The following ITGB2 variants were observed in gnomAD, a reference collection of about 807,000 sequenced individuals.
ITGB2 encodes integrin subunit beta 2, also known as integrin beta-2.
A neutral mutation model predicts 86.8 loss-of-function variants in ITGB2; 56 were observed. The observed-to-expected ratio is 0.65, with a 90% CI of 0.52 to 0.81. The LOEUF (loss-of-function observed/expected upper bound fraction) is 0.81, where lower values mean the gene tolerates loss of function less well. ITGB2 is among the 30% of genes least tolerant of loss of function. The probability of loss-of-function intolerance (pLI) is 0.00; values close to 1 mark genes in which losing one functional copy is unlikely to be tolerated. For synonymous variants in ITGB2, 457 were observed against 450.4 expected (o/e 1.01, Z -0.19); for missense variants, 948 against 1,061.2 (o/e 0.89, Z 1.48).
At chr21:44,897,272 T>C (rs1199469505) in intron 8 of ITGB2, among the ~76,000 whole-genome samples, 1 of 152,198 alleles carries the variant, frequency 6.6e-6, no homozygotes, top group Non-Finnish European at 1.5e-5. Flanking sequence ...TCAGCAAATG[T>C]TCACTTTACA....
rs767645617 is a variant in ITGB2, at chr21:44,891,931, C to T, written c.1290G>A (p.Ala430=). ...CGGTCACTATGTCCGTGAAGCCCAG[C>T]GCCCGGATGACAAACGACTGCTCCT... ...CIQEQSFVIR[A]LGFTDIVTVQ... The change falls in exon 11 of 16, where the codon GCG becomes GCA. Residue 430 remains alanine (A), a synonymous_variant. Coordinates refer to ENST00000652462, the MANE Select transcript of ITGB2 (RefSeq NM_000211.5). 67 of 1,613,302 alleles carry T rather than the reference C, an allele frequency of 4.2e-5. No homozygotes were observed. In the Middle Eastern group the frequency reaches 1.3e-3, roughly 32 times the overall value.
chr21:44,912,505 T>A (rs1273489163), intron 1 of ITGB2, among the ~76,000 whole-genome samples: 2 of 152,136 alleles, frequency 1.3e-5, no homozygotes, highest in Non-Finnish European at 2.9e-5. Context: ...AATACAAAAA[T>A]GTCAAAAGGG....
chr21:44,890,452 G>A (rs755011163), intron 11 of ITGB2, among the ~76,000 whole-genome samples: 11 of 152,222 alleles, frequency 7.2e-5, no homozygotes, highest in Admixed American at 3.3e-4. Context: ...ACCTGGCCTT[G>A]GCCTGCGCAT....
At chr21:44,923,885 G>A (rs2084339590), upstream of ITGB2, among the ~76,000 whole-genome samples, 5 of 152,206 alleles carry the variant, frequency 3.3e-5, no homozygotes, top group Non-Finnish European at 5.9e-5. Context: ...TAAAGAAACG[G>A]AAAATACACG....
At chr21:44,889,624 G>A (rs1243956753) in intron 12 of ITGB2, 129 bp from the exon 13 acceptor site, 2 of 949,492 alleles carry the variant, frequency 2.1e-6, no homozygotes, top group Non-Finnish European at 3.2e-6. Context: ...CTGAGCAAAA[G>A]GCATGGGGCC....
Position 44,885,963 on chromosome 21 carries a change from C to T in ITGB2, c.*405G>A, listed in dbSNP as rs1881344442. ...GGACACAGTGCCCAGTTTCCATGGACAGCCTGTATTGAAGTTTTATTTTTT... is the reference window on the plus strand; with the variant it reads ...GGACACAGTGCCCAGTTTCCATGGATAGCCTGTATTGAAGTTTTATTTTTT... On this transcript the variant is annotated 3_prime_UTR_variant, in exon 16 of 16. Coordinates refer to ENST00000652462, the MANE Select transcript of ITGB2 (RefSeq NM_000211.5). 3.4e-6 allele frequency: 1 copy of T among 292,070 alleles called. No individual in the cohort carries two copies. The highest frequency in any genetic ancestry group is 2.2e-5 in the African/African-American group (1 of 45,634). The allele number at this position is 292,070 out of a possible 1,614,324, so 18.1% of individuals were successfully genotyped here.
intron 3 of ITGB2, among the ~76,000 whole-genome samples, chr21:44,907,387 G>A (rs2146539861): frequency 1.3e-5 from 2 of 152,348 alleles, no homozygotes; most frequent in East Asian, 3.9e-4. Context: ...TGACCCAAGA[G>A]GAGAGGCCTC....
At chr21:44,890,875 C>T (rs909996615) in intron 11 of ITGB2, among the ~76,000 whole-genome samples, 2 of 152,152 alleles carry the variant, frequency 1.3e-5, no homozygotes, top group Non-Finnish European at 1.5e-5. Flanking sequence ...CCCCTACAGT[C>T]CCGTGAAGAG....
chr21:44,887,343 G>A (rs2083714122), intron 14 of ITGB2, among the ~76,000 whole-genome samples: 1 of 152,178 alleles, frequency 6.6e-6, no homozygotes, highest in Non-Finnish European at 1.5e-5. Context: ...GAGCTCAGCA[G>A]GTGAGGCCGG....
intron 1 of ITGB2, among the ~76,000 whole-genome samples, chr21:44,919,610 C>T (rs1374518379): frequency 6.6e-6 from 1 of 152,210 alleles, no homozygotes; most frequent in Admixed American, 6.5e-5. Flanking sequence ...AACCCGCAGG[C>T]GTTGCGCCAC....
At chr21:44,906,811 T>A (rs2084048703) in intron 4 of ITGB2, 104 bp downstream of exon 4, 2 of 1,266,158 alleles carry the variant, frequency 1.6e-6, no homozygotes, top group South Asian at 2.4e-5. Flanking sequence ...CCCGGACACA[T>A]GCCTTCTGGG....
chr21:44,893,618 G>A (rs1042955401), intron 9 of ITGB2, 74 bp from the exon 10 acceptor site: 16 of 1,586,614 alleles, frequency 1.0e-5, no homozygotes, highest in Non-Finnish European at 1.4e-5. Flanking sequence ...CAGCGGTTTA[G>A]ACCCGTCTCC....
chr21:44,894,584 C>T (rs1332845285), intron 9 of ITGB2: 2 of 341,006 alleles, frequency 5.9e-6, no homozygotes, highest in Admixed American at 7.8e-5. Context: ...AATTCCACCC[C>T]CCAGGGTGTC....
At chr21:44,910,510 C>G in intron 2 of ITGB2, 138 bp from the exon 3 acceptor site, 1 of 1,531,644 alleles carries the variant, frequency 6.5e-7, no homozygotes. Flanking sequence ...CATTCGCCAC[C>G]ACCCCCAGGT....
chr21:44,910,564 G>T lies in ITGB2; in HGVS notation c.58+161C>A, dbSNP rs1381807224. ...GAAACAGCACAGCTACAGCCTCCTG[G>T]CACGTGCGGAGACGAGGCCTGAGTC... On this transcript the variant is annotated intron_variant, in intron 2 of 15. Transcript: ENST00000652462. 6 of 1,391,748 alleles carry T rather than the reference G, an allele frequency of 4.3e-6. No individual in the cohort carries two copies. In the Admixed American group the frequency reaches 7.9e-5, roughly 18 times the overall value. The allele number at this position is 1,391,748 out of a possible 1,614,324, so 86.2% of individuals were successfully genotyped here. A position where few individuals can be genotyped will look rare whatever the true frequency, so the allele number is the denominator to read the frequency against.
Position 44,903,387 on chromosome 21 carries a change from C to T in ITGB2, c.477G>A (p.Glu159=), listed in dbSNP as rs760390099. Residue 159 remains glutamate (E), a synonymous_variant, in exon 5 of 16, where the codon GAG becomes GAA. Coordinates refer to ENST00000652462, the MANE Select transcript of ITGB2 (RefSeq NM_000211.5). Reference sequence around the variant, plus strand: ...CACCAATGCGGCCGGACTCGGTGATCTCGTTGAGGGCCCGGAGCAGGTCGC... The same window carrying T: ...CACCAATGCGGCCGGACTCGGTGATTTCGTTGAGGGCCCGGAGCAGGTCGC... The part of the protein sequence containing the change: ...LGGDLLRALN[E]ITESGRIGFG... 1 of 1,614,090 alleles carries T rather than the reference C, an allele frequency of 6.2e-7. No individual in the cohort carries two copies. The highest frequency in any genetic ancestry group is 2.2e-5 in the East Asian group (1 of 44,862).
intron 11 of ITGB2, among the ~76,000 whole-genome samples, chr21:44,891,479 C>T (rs2083784540): frequency 6.6e-6 from 1 of 152,242 alleles, no homozygotes; most frequent in South Asian, 2.1e-4. Context: ...CCAGCGGGGA[C>T]TCCTTGTGCC....
chr21:44,903,540 C>A lies in ITGB2; in HGVS notation c.329-5G>T, dbSNP rs749767460. The A allele has an allele frequency of 7.4e-6, 12 of 1,613,762 alleles. No homozygotes were observed. The highest frequency in any genetic ancestry group is 1.0e-5 in the Non-Finnish European group (12 of 1,179,924). On this transcript the variant is annotated splice_region_variant and splice_polypyrimidine_tract_variant and intron_variant, in intron 4 of 15. Coordinates refer to ENST00000652462, the MANE Select transcript of ITGB2 (RefSeq NM_000211.5). ...CGTTGAACGCTGCTGCCTGGCCTGCCGGTGGGGACAGAACAAAAGGAGCCA... is the reference window on the plus strand; with the variant it reads ...CGTTGAACGCTGCTGCCTGGCCTGCAGGTGGGGACAGAACAAAAGGAGCCA...
chr21:44,907,201 C>T lies in ITGB2; in HGVS notation c.148-106G>A, dbSNP rs376366369. On this transcript the variant is annotated intron_variant, in intron 3 of 15. Coordinates refer to ENST00000652462, the MANE Select transcript of ITGB2 (RefSeq NM_000211.5). The stretch of plus-strand genomic sequence containing the variant: ...ACCCACCCTGTCCCCTCCTCCTCTG[C>T]GCCTGGAATTTGGGACAGAAGTCCC... 2.0e-3 allele frequency: 1,646 copies of T among 815,706 alleles called. 38 individuals carry two copies. In the South Asian group the frequency reaches 0.027, roughly 13 times the overall value. 50.5% of individuals were successfully genotyped at this position (815,706 alleles called of 1,614,324 possible). A position where few individuals can be genotyped will look rare whatever the true frequency, so the allele number is the denominator to read the frequency against.
Sources: gnomAD v4.1 joint callset for allele counts (sites outside exome capture counted in the v4.1 genomes callset) on GRCh38, gnomAD v4.1.1 for gene constraint, MANE v1.5 for transcripts, NCBI Gene and HGNC (gene_info 2026-07-23, HGNC 2026-07-21) for gene names.